Variants in CADPS2 observed in about 807,000 individuals in gnomAD.
CADPS2 encodes the protein calcium-dependent secretion activator 2.
Under a neutral mutation model 172.5 loss-of-function variants are expected in CADPS2, and 93 were observed. The observed-to-expected ratio is 0.54, with a 90% CI of 0.46 to 0.64. The LOEUF (loss-of-function observed/expected upper bound fraction) is 0.64. Among genes scored for constraint, CADPS2 ranks in the 30% least tolerant of loss-of-function variants. The pLI is 0.00. For missense variants in CADPS2, 1,420 were observed against 1,565.9 expected, an observed-to-expected ratio of 0.91 and a Z score of 1.57; for synonymous variants, 546 against 555.2, an observed-to-expected ratio of 0.98 and a Z score of 0.23.
chr7:122,581,407 T>G, intron 6 of CADPS2, 117 bp from the exon 7 acceptor site: 1 of 713,476 alleles, frequency 1.4e-6, no homozygotes, highest in South Asian at 1.8e-5. Flanking sequence ...ATGAGCTTTT[T>G]ATCTTTGCTT....
chr7:122,486,523 TAAG>T (rs1040098195), intron 11 of CADPS2, among the ~76,000 whole-genome samples: 5 of 152,258 alleles, frequency 3.3e-5, no homozygotes, highest in Non-Finnish European at 7.4e-5. Flanking sequence ...CTTGAACAGA[TAAG>T]AAGTTGGTTC....
intron 2 of CADPS2, among the ~76,000 whole-genome samples, chr7:122,725,513 G>A (rs987002147): frequency 9.9e-5 from 15 of 151,280 alleles, no homozygotes; most frequent in Admixed American, 2.6e-4. Context: ...TAGTGTACAC[G>A]TACCCAATAG....
At chr7:122,879,875 G>T (rs1312269663) in intron 1 of CADPS2, among the ~76,000 whole-genome samples, 1 of 152,178 alleles carries the variant, frequency 6.6e-6, no homozygotes, top group Non-Finnish European at 1.5e-5. Flanking sequence ...TTTTTAATAA[G>T]ATTTGAGGAA....
intron 3 of CADPS2, among the ~76,000 whole-genome samples, chr7:122,631,635 C>CAACAA (rs1197867722): frequency 2.0e-5 from 3 of 151,664 alleles, no homozygotes; most frequent in Admixed American, 1.3e-4. Flanking sequence ...AAAAAGTAAG[C>CAACAA]AACAAAACAA....
At chr7:122,812,067 C>A (rs181481342) in intron 1 of CADPS2, among the ~76,000 whole-genome samples, 21 of 151,326 alleles carry the variant, frequency 1.4e-4, no homozygotes, top group Admixed American at 1.1e-3. Flanking sequence ...TAGAACTTAG[C>A]AGATAGAAGT....
chr7:122,812,833 C>G (rs554156592), intron 1 of CADPS2, among the ~76,000 whole-genome samples: 3 of 152,254 alleles, frequency 2.0e-5, no homozygotes, highest in African/African-American at 7.2e-5. Flanking sequence ...TCTATTACTA[C>G]CATTACAGCC....
chr7:122,734,356 TAA>T (rs558421546), intron 2 of CADPS2, among the ~76,000 whole-genome samples: 20 of 46,256 alleles, frequency 4.3e-4, no homozygotes, highest in Admixed American at 1.2e-3. Flanking sequence ...CCAGAAATAG[TAA>T]AAAAAAAAAA....
intron 7 of CADPS2, among the ~76,000 whole-genome samples, chr7:122,561,330 CA>C (rs869069828): frequency 2.5e-4 from 8 of 32,522 alleles, no homozygotes; most frequent in Admixed American, 2.4e-3. Flanking sequence ...TCCTTCTATA[CA>C]CTTTTTTTTT....
intron 24 of CADPS2, among the ~76,000 whole-genome samples, chr7:122,382,044 C>T (rs550616177): frequency 4.6e-5 from 7 of 152,072 alleles, no homozygotes; most frequent in Non-Finnish European, 7.4e-5. Context: ...AAAGATGGCC[C>T]GAGAATTCCC....
intron 13 of CADPS2, among the ~76,000 whole-genome samples, chr7:122,472,288 G>A (rs1177960128): frequency 6.8e-6 from 1 of 147,242 alleles, no homozygotes; most frequent in Admixed American, 6.9e-5. Flanking sequence ...TTTAAAAGGG[G>A]GCAGGGTAAT....
chr7:122,638,191 G>T (rs1006988271), intron 3 of CADPS2, among the ~76,000 whole-genome samples: 1 of 152,164 alleles, frequency 6.6e-6, no homozygotes, highest in Non-Finnish European at 1.5e-5. Flanking sequence ...CCCTAAGGCA[G>T]AGACTGTGGC....
chr7:122,402,030 T>C (rs2046019977), intron 20 of CADPS2, among the ~76,000 whole-genome samples: 1 of 152,168 alleles, frequency 6.6e-6, no homozygotes, highest in Admixed American at 6.5e-5. Context: ...AGACAGATGT[T>C]TTTTTATTTT....
intron 22 of CADPS2, among the ~76,000 whole-genome samples, chr7:122,392,017 AG>A (rs1054862140): frequency 5.3e-5 from 8 of 152,054 alleles, no homozygotes; most frequent in African/African-American, 1.9e-4. Context: ...TAATGATATG[AG>A]GTTGTTATAA....
At chr7:122,645,927 G>A (rs966637926) in intron 3 of CADPS2, among the ~76,000 whole-genome samples, 1 of 151,176 alleles carries the variant, frequency 6.6e-6, no homozygotes, top group Non-Finnish European at 1.5e-5. Context: ...AAAGGAATGA[G>A]CTATTATTTT....
At chr7:122,787,507 G>A (rs951966322) in intron 1 of CADPS2, among the ~76,000 whole-genome samples, 2 of 152,196 alleles carry the variant, frequency 1.3e-5, no homozygotes, top group African/African-American at 2.4e-5. Context: ...AGGGAAGTTA[G>A]GAATGGTCAG....
At chr7:122,500,953 A>G (rs2059146739) in intron 9 of CADPS2, among the ~76,000 whole-genome samples, 1 of 152,204 alleles carries the variant, frequency 6.6e-6, no homozygotes, top group Non-Finnish European at 1.5e-5. Context: ...AATAAAATGT[A>G]TAATTTAATT....
chr7:122,867,165 C>A (rs961858588), intron 1 of CADPS2, among the ~76,000 whole-genome samples: 7 of 152,108 alleles, frequency 4.6e-5, no homozygotes, highest in Admixed American at 3.3e-4. Context: ...TGACACCAAA[C>A]CCCCTCCCAC....
chr7:122,720,484 ATATATG>A (rs1052214406), intron 2 of CADPS2, among the ~76,000 whole-genome samples: 5 of 151,058 alleles, frequency 3.3e-5, no homozygotes, highest in Admixed American at 1.3e-4. Context: ...GTATGTATGT[ATATATG>A]TATATGTATA....
intron 1 of CADPS2, among the ~76,000 whole-genome samples, chr7:122,825,961 C>T (rs142355131): frequency 1.4e-4 from 21 of 152,216 alleles, no homozygotes; most frequent in Non-Finnish European, 2.2e-4. Flanking sequence ...GGTGTAAGAA[C>T]GCCAAGTAGC....
Sources: allele counts gnomAD v4.1 joint callset (sites outside exome capture counted in the v4.1 genomes callset), GRCh38; gene constraint gnomAD v4.1.1; transcripts MANE v1.5; gene names NCBI Gene and HGNC (gene_info 2026-07-23, HGNC 2026-07-21).